EIF3H: variants seen among roughly 807,000 people sequenced by gnomAD.
The protein encoded by EIF3H is eukaryotic translation initiation factor 3 subunit H.
EIF3H carries 26 observed loss-of-function variants against 44.2 expected under a neutral mutation model. The ratio of observed to expected loss-of-function variants is 0.59; its 90% CI spans 0.43 to 0.82. EIF3H has a LOEUF of 0.82. EIF3H is among the 40% of genes least tolerant of loss of function. The pLI, the probability that EIF3H is intolerant of heterozygous loss-of-function variation, is 0.00. For missense variants in EIF3H, 359 were observed against 432.8 expected, an observed-to-expected ratio of 0.83 and a Z score of 1.51; for synonymous variants, 166 against 151.9, an observed-to-expected ratio of 1.09 and a Z score of -0.68.
intron 2 of EIF3H, chr8:116,689,282 G>C (rs1039967317): frequency 1.1e-4 from 32 of 285,636 alleles, no homozygotes; most frequent in Non-Finnish European, 1.9e-4. Context: ...GGAAGGAAGG[G>C]TGATGGGGTT....
At chr8:116,669,412 A>T (rs1189582847) in intron 2 of EIF3H, among the ~76,000 whole-genome samples, 2 of 152,234 alleles carry the variant, frequency 1.3e-5, no homozygotes, top group African/African-American at 4.8e-5. Context: ...TGACTTTTTT[A>T]AAAAAGGAAA....
chr8:116,713,928 C>T (rs759602578), intron 2 of EIF3H, among the ~76,000 whole-genome samples: 8 of 152,036 alleles, frequency 5.3e-5, no homozygotes, highest in Admixed American at 1.3e-4. Context: ...AACCAAGTAT[C>T]TATTAAGTAT....
intron 2 of EIF3H, among the ~76,000 whole-genome samples, chr8:116,706,486 C>T (rs1236471574): frequency 6.6e-6 from 1 of 152,128 alleles, no homozygotes; most frequent in Non-Finnish European, 1.5e-5. Flanking sequence ...TGTTTCAATA[C>T]AGCATTCAAT....
chr8:116,711,782 C>T (rs1285729781), intron 2 of EIF3H, among the ~76,000 whole-genome samples: 2 of 152,182 alleles, frequency 1.3e-5, no homozygotes, highest in Non-Finnish European at 2.9e-5. Flanking sequence ...ATTAATGTAA[C>T]ATTCACCTTT....
intron 2 of EIF3H, among the ~76,000 whole-genome samples, chr8:116,701,275 T>C (rs1814371128): frequency 6.6e-6 from 1 of 152,238 alleles, no homozygotes; most frequent in African/African-American, 2.4e-5. Flanking sequence ...ATTCTAACAA[T>C]AAATATTGGG....
In EIF3H at chr8:116,752,783, G is replaced by GGAAGGAAGGAA. The variant is rs1563663221; in HGVS notation, c.132+2882_132+2883insTTCCTTCCTTC. ...AGGGAGGGAGGGAGGGAGGGAGGGA[G>GGAAGGAAGGAA]GGAGGGAGGGAGGGAAGGAAGGAAG... On this transcript the variant is annotated intron_variant, in intron 1 of 7. Transcript: ENST00000521861. Among the ~76,000 whole-genome samples the GGAAGGAAGGAA allele has an allele frequency of 1.2e-3, 44 of 35,990 alleles. 3 individuals carry two copies. Among genetic ancestry groups the GGAAGGAAGGAA allele is most frequent in the African/African-American group, 2.8e-3 (40 of 14,178 alleles). The allele number at this position is 35,990 out of a possible 152,430, so 23.6% of individuals were successfully genotyped here.
At chr8:116,693,133 T>C (rs920705884) in intron 2 of EIF3H, among the ~76,000 whole-genome samples, 2 of 151,906 alleles carry the variant, frequency 1.3e-5, no homozygotes, top group Non-Finnish European at 2.9e-5. Flanking sequence ...TCCCTTTCAG[T>C]GACAATAAGG....
At chr8:116,681,666 CAA>C (rs1176033381) in intron 2 of EIF3H, among the ~76,000 whole-genome samples, 16 of 90,738 alleles carry the variant, frequency 1.8e-4, no homozygotes, top group Admixed American at 1.3e-4. Flanking sequence ...AACTCCATCT[CAA>C]AAAAAAAAAA....
chr8:116,699,213 A>G (rs1398149071), intron 2 of EIF3H, among the ~76,000 whole-genome samples: 2 of 152,162 alleles, frequency 1.3e-5, no homozygotes, highest in Non-Finnish European at 2.9e-5. Context: ...TGAGTTATAT[A>G]TAGGTCCACC....
chr8:116,654,520 G>C (rs950737258), intron 5 of EIF3H, among the ~76,000 whole-genome samples: 87 of 152,270 alleles, frequency 5.7e-4, no homozygotes, highest in African/African-American at 2.1e-3. Context: ...TTGTAACCTT[G>C]TATGCTGAAA....
intron 2 of EIF3H, among the ~76,000 whole-genome samples, chr8:116,698,633 A>G (rs900573290): frequency 6.6e-6 from 1 of 152,204 alleles, no homozygotes; most frequent in African/African-American, 2.4e-5. Flanking sequence ...AGGAAACTGA[A>G]GCTGAAAGAC....
intron 1 of EIF3H, among the ~76,000 whole-genome samples, chr8:116,755,402 T>C (rs1019961017): frequency 6.6e-6 from 1 of 152,034 alleles, no homozygotes. Context: ...CCACCGGTCA[T>C]CTCAAAACAA....
At chr8:116,743,998 G>C (rs1299605395) in intron 1 of EIF3H, among the ~76,000 whole-genome samples, 2 of 151,732 alleles carry the variant, frequency 1.3e-5, no homozygotes, top group African/African-American at 4.8e-5. Context: ...AGTTATACAG[G>C]CTTTGGTGAT....
intron 5 of EIF3H, among the ~76,000 whole-genome samples, chr8:116,654,096 G>T (rs759516964): frequency 5.3e-5 from 8 of 152,192 alleles, no homozygotes; most frequent in Non-Finnish European, 1.2e-4. Context: ...TTGGTTCAAT[G>T]TAAGTGTCTA....
chr8:116,698,053 AG>A (rs774702413), intron 2 of EIF3H, among the ~76,000 whole-genome samples: 21 of 152,342 alleles, frequency 1.4e-4, no homozygotes, highest in Non-Finnish European at 2.4e-4. Context: ...TATCATGCTC[AG>A]GATCAGACTG....
At chr8:116,750,108 T>C (rs1489629063) in intron 1 of EIF3H, among the ~76,000 whole-genome samples, 1 of 152,290 alleles carries the variant, frequency 6.6e-6, no homozygotes, top group Non-Finnish European at 1.5e-5. Flanking sequence ...ATATCTTATA[T>C]AGGTTACTGC....
intron 2 of EIF3H, among the ~76,000 whole-genome samples, chr8:116,709,681 T>C (rs1814539926): frequency 6.6e-6 from 1 of 152,204 alleles, no homozygotes; most frequent in South Asian, 2.1e-4. Context: ...CTTTAAGTAG[T>C]TAAATGTTTC....
intron 1 of EIF3H, among the ~76,000 whole-genome samples, chr8:116,735,748 C>CGCTCTG (rs1815024822): frequency 1.3e-5 from 2 of 151,924 alleles, no homozygotes; most frequent in Non-Finnish European, 2.9e-5. Flanking sequence ...TATCAAGCCC[C>CGCTCTG]CACTTTATTA....
intron 2 of EIF3H, among the ~76,000 whole-genome samples, chr8:116,683,270 C>G (rs1352892604): frequency 8.5e-5 from 13 of 152,164 alleles, no homozygotes; most frequent in Non-Finnish European, 1.9e-4. Context: ...GCTTAAATAA[C>G]AGGATTGTAT....
Sources: gnomAD v4.1 joint callset for allele counts (sites outside exome capture counted in the v4.1 genomes callset) on GRCh38, gnomAD v4.1.1 for gene constraint, MANE v1.5 for transcripts, NCBI Gene and HGNC (gene_info 2026-07-23, HGNC 2026-07-21) for gene names.